Variants in CLIC5 observed in about 807,000 individuals in gnomAD.
CLIC5 encodes the protein CLIC family member 5.
CLIC5 carries 20 observed loss-of-function variants against 24.7 expected under a neutral mutation model. The observed-to-expected ratio is 0.81, with a 90% CI of 0.57 to 1.18. CLIC5 has a LOEUF of 1.18. Among genes scored for constraint, CLIC5 ranks in the 50% most tolerant of loss-of-function variants. The pLI is 0.00. For synonymous variants in CLIC5, 159 were observed against 135.6 expected (o/e 1.17, Z -1.20); for missense variants, 341 against 326.1 (o/e 1.05, Z -0.35).
intron 1 of CLIC5, among the ~76,000 whole-genome samples, chr6:46,059,825 A>G (rs1562029791): frequency 6.8e-6 from 1 of 147,786 alleles, no homozygotes; most frequent in Non-Finnish European, 1.5e-5. Context: ...TATAATAATC[A>G]CCCCTCTCAC....
chr6:45,914,780 G>A (rs6938202), intron 4 of CLIC5, among the ~76,000 whole-genome samples: 93 of 138,822 alleles, frequency 6.7e-4, no homozygotes, highest in African/African-American at 2.2e-3. Flanking sequence ...GTGAAACTCC[G>A]TCTCTACTAA....
chr6:45,943,908 C>T (rs564041440), intron 3 of CLIC5, among the ~76,000 whole-genome samples: 5 of 152,258 alleles, frequency 3.3e-5, no homozygotes, highest in East Asian at 1.9e-4. Flanking sequence ...ATGTTAATCT[C>T]GCAACTTTCA....
rs1285709773 is a variant in CLIC5, at chr6:45,912,822, C to T, written c.588+1406G>A. The T allele has an allele frequency of 6.2e-6, 6 of 967,506 alleles. No individual in the cohort carries two copies. In the Admixed American group the frequency reaches 1.2e-4, roughly 19 times the overall value. 59.9% of individuals were successfully genotyped at this position (967,506 alleles called of 1,614,324 possible). ...AAGAGACATAGATTGGCTGGACCTA[C>T]AAGTGACTATTGGCTTGGCCCCAAA... On this transcript the variant is annotated intron_variant, in intron 5 of 5. Coordinates refer to ENST00000339561, the MANE Select transcript of CLIC5 (RefSeq NM_016929.5).
At chr6:45,892,050 TCA>T in intron 6 of CLIC5, 1 of 152,274 alleles carries the variant, frequency 6.6e-6, no homozygotes, top group East Asian at 1.9e-4. Context: ...GGAGATCAAC[TCA>T]CAACATTTTT....
intron 1 of CLIC5, among the ~76,000 whole-genome samples, chr6:46,048,040 T>C (rs1212780706): frequency 6.6e-6 from 1 of 151,134 alleles, no homozygotes; most frequent in African/African-American, 2.4e-5. Flanking sequence ...TCTCACTCTG[T>C]CCCCTAGGCT....
At chr6:45,960,564 A>C (rs1764812259) in intron 1 of CLIC5, among the ~76,000 whole-genome samples, 1 of 152,174 alleles carries the variant, frequency 6.6e-6, no homozygotes, top group South Asian at 2.1e-4. Context: ...CTATAGGCTC[A>C]GCATGCAACC....
At chr6:45,942,878 G>A (rs758153654) in intron 3 of CLIC5, among the ~76,000 whole-genome samples, 12 of 152,298 alleles carry the variant, frequency 7.9e-5, no homozygotes, top group Non-Finnish European at 8.8e-5. Flanking sequence ...CTTTTACATG[G>A]AAGGGAACTG....
At chr6:45,946,705 G>C (rs1282169469) in intron 3 of CLIC5, among the ~76,000 whole-genome samples, 1 of 152,190 alleles carries the variant, frequency 6.6e-6, no homozygotes, top group Non-Finnish European at 1.5e-5. Context: ...CAGACCAGCA[G>C]GTCTCTATGG....
intron 1 of CLIC5, among the ~76,000 whole-genome samples, chr6:46,021,378 A>G (rs1359504082): frequency 6.6e-6 from 1 of 152,230 alleles, no homozygotes; most frequent in African/African-American, 2.4e-5. Flanking sequence ...GCATTTTCAT[A>G]TAAAGTCAAA....
chr6:46,013,550 C>T (rs953552904), intron 1 of CLIC5, among the ~76,000 whole-genome samples: 7 of 152,180 alleles, frequency 4.6e-5, no homozygotes, highest in Admixed American at 6.5e-5. Flanking sequence ...CCATGAAGGC[C>T]TGCCTGGCTC....
At chr6:46,097,764 C>A in the CLIC5 span, among the ~76,000 whole-genome samples, 1 of 152,180 alleles carries the variant, frequency 6.6e-6, no homozygotes, top group East Asian at 1.9e-4. Context: ...CTAGACATAT[C>A]TACAATTCTC....
intron 1 of CLIC5, among the ~76,000 whole-genome samples, chr6:46,054,713 A>T (rs552692752): frequency 1.3e-5 from 2 of 152,370 alleles, no homozygotes; most frequent in East Asian, 3.9e-4. Context: ...CTATCCTTTT[A>T]AGAAGAGAAC....
chr6:45,942,135 C>A (rs1764153425), intron 3 of CLIC5, among the ~76,000 whole-genome samples: 1 of 152,166 alleles, frequency 6.6e-6, no homozygotes, highest in Admixed American at 6.6e-5. Context: ...AGCATTAAAC[C>A]ATTTCTCCAA....
chr6:46,039,598 C>A (rs756005622), intron 1 of CLIC5, among the ~76,000 whole-genome samples: 56 of 151,878 alleles, frequency 3.7e-4, no homozygotes, highest in Non-Finnish European at 6.5e-4. Context: ...GAAGAAAAAA[C>A]ATTTCTGATT....
chr6:46,091,661 C>T, the CLIC5 span, among the ~76,000 whole-genome samples: 1 of 152,138 alleles, frequency 6.6e-6, no homozygotes, highest in South Asian at 2.1e-4. Flanking sequence ...TTGCTTGAGC[C>T]CAGGAGGTCG....
intron 1 of CLIC5, among the ~76,000 whole-genome samples, chr6:46,024,039 G>T (rs181880856): frequency 1.9e-3 from 295 of 152,278 alleles, no homozygotes; most frequent in African/African-American, 6.9e-3. Context: ...AGAGAGCAAG[G>T]GTTGGGGGGA....
chr6:45,955,130 G>C lies in CLIC5; in HGVS notation c.173+5C>G. ...CATACTCCTCATTTATGCAACGTACGTTACCTTTTCAGATCCACAGTGGTG... is the reference window on the plus strand; with the variant it reads ...CATACTCCTCATTTATGCAACGTACCTTACCTTTTCAGATCCACAGTGGTG... On this transcript the variant is annotated splice_donor_5th_base_variant and intron_variant, in intron 2 of 5. Transcript: ENST00000339561. The C allele has an allele frequency of 1.2e-6, 2 of 1,603,060 alleles. No homozygotes were observed. The highest frequency in any genetic ancestry group is 1.7e-6 in the Non-Finnish European group (2 of 1,170,288).
chr6:46,065,087 A>T (rs1470344974), intron 1 of CLIC5, among the ~76,000 whole-genome samples: 1 of 152,192 alleles, frequency 6.6e-6, no homozygotes, highest in East Asian at 1.9e-4. Flanking sequence ...AATAAGATCA[A>T]ATGCTAAAAT....
chr6:46,102,481 A>T, the CLIC5 span: 4 of 152,340 alleles, frequency 2.6e-5, no homozygotes, highest in African/African-American at 9.6e-5. Context: ...AGTTAGAGTA[A>T]TATTCTAAGA....
Sources: gnomAD v4.1 joint callset for allele counts (sites outside exome capture counted in the v4.1 genomes callset) on GRCh38, gnomAD v4.1.1 for gene constraint, MANE v1.5 for transcripts, NCBI Gene and HGNC (gene_info 2026-07-23, HGNC 2026-07-21) for gene names.